Variants in LRRC4C observed in about 807,000 individuals in gnomAD.
LRRC4C encodes the protein leucine-rich repeat-containing protein 4C.
In LRRC4C, 5 loss-of-function variants were observed where a neutral mutation model predicts 33.6. The ratio of observed to expected loss-of-function variants is 0.15; its 90% CI spans 0.08 to 0.31. The LOEUF is 0.31. LRRC4C is among the 10% of genes least tolerant of loss of function. LRRC4C has a pLI of 1.00. For missense variants in LRRC4C, 560 were observed against 796.7 expected, an observed-to-expected ratio of 0.70 and a Z score of 3.58; for synonymous variants, 329 against 302.0, an observed-to-expected ratio of 1.09 and a Z score of -0.93.
intron 1 of LRRC4C, among the ~76,000 whole-genome samples, chr11:41,402,101 A>G (rs553384113): frequency 1.3e-5 from 2 of 152,038 alleles, no homozygotes; most frequent in Non-Finnish European, 2.9e-5. Context: ...AAAAAATACT[A>G]CAATACAGTC....
At chr11:40,537,265 C>A (rs1040001817) in intron 3 of LRRC4C, among the ~76,000 whole-genome samples, 2 of 152,184 alleles carry the variant, frequency 1.3e-5, no homozygotes, top group South Asian at 2.1e-4. Context: ...ACAGCACGCT[C>A]TATTCTCAGT....
chr11:40,384,742 C>CT (rs1292619795), intron 3 of LRRC4C, among the ~76,000 whole-genome samples: 1 of 152,052 alleles, frequency 6.6e-6, no homozygotes, highest in Non-Finnish European at 1.5e-5. Context: ...CCTTTCTTTT[C>CT]TTTTTTCATC....
At chr11:40,263,741 G>T (rs896990915) in intron 4 of LRRC4C, among the ~76,000 whole-genome samples, 9 of 152,196 alleles carry the variant, frequency 5.9e-5, no homozygotes, top group African/African-American at 1.9e-4. Context: ...CATTCATGCG[G>T]CTAAATTCTG....
chr11:40,565,699 AT>A (rs1326672390), intron 3 of LRRC4C, among the ~76,000 whole-genome samples: 2 of 151,642 alleles, frequency 1.3e-5, no homozygotes, highest in Non-Finnish European at 2.9e-5. Flanking sequence ...CCTTCTAATA[AT>A]TTTTTTCTGA....
intron 1 of LRRC4C, among the ~76,000 whole-genome samples, chr11:41,137,723 C>T (rs1164930524): frequency 6.6e-6 from 1 of 152,148 alleles, no homozygotes; most frequent in African/African-American, 2.4e-5. Context: ...AACAAGGTAT[C>T]CTTCAGCTAT....
chr11:40,588,851 A>G (rs927973082), intron 3 of LRRC4C, among the ~76,000 whole-genome samples: 14 of 152,032 alleles, frequency 9.2e-5, no homozygotes, highest in Non-Finnish European at 1.9e-4. Flanking sequence ...ATAGTTTGTT[A>G]TAGTTTCTGT....
chr11:40,934,787 T>C (rs1195125080), intron 1 of LRRC4C, among the ~76,000 whole-genome samples: 1 of 152,148 alleles, frequency 6.6e-6, no homozygotes, highest in Non-Finnish European at 1.5e-5. Flanking sequence ...ACACCTGGAA[T>C]TGACAGATTT....
At chr11:41,155,616 T>G (rs1374385397) in intron 1 of LRRC4C, among the ~76,000 whole-genome samples, 1 of 151,896 alleles carries the variant, frequency 6.6e-6, no homozygotes, top group East Asian at 1.9e-4. Context: ...TAGCCAGTTC[T>G]TGTCTGGCTA....
chr11:40,357,520 A>T (rs1025394175), intron 3 of LRRC4C, among the ~76,000 whole-genome samples: 19 of 152,174 alleles, frequency 1.2e-4, no homozygotes, highest in Non-Finnish European at 2.4e-4. Flanking sequence ...AGGAAACAGA[A>T]CACATTTAAT....
At chr11:40,871,528 G>A (rs924055959) in intron 2 of LRRC4C, among the ~76,000 whole-genome samples, 1 of 152,004 alleles carries the variant, frequency 6.6e-6, no homozygotes, top group South Asian at 2.1e-4. Context: ...CCCGATACAG[G>A]GCCCAGTCAC....
At chr11:40,788,803 T>C (rs1950514380) in intron 2 of LRRC4C, among the ~76,000 whole-genome samples, 1 of 151,968 alleles carries the variant, frequency 6.6e-6, no homozygotes, top group African/African-American at 2.4e-5. Context: ...CTGTAAAAAA[T>C]GCATATTAGG....
At chr11:40,867,620 C>T (rs1438173303) in intron 2 of LRRC4C, among the ~76,000 whole-genome samples, 2 of 147,868 alleles carry the variant, frequency 1.4e-5, no homozygotes, top group Non-Finnish European at 3.0e-5. Context: ...TTTTACCCCA[C>T]CAAAGTTGCT....
intron 3 of LRRC4C, among the ~76,000 whole-genome samples, chr11:40,542,267 G>A (rs1017704327): frequency 6.6e-6 from 1 of 151,916 alleles, no homozygotes; most frequent in African/African-American, 2.4e-5. Context: ...AAAATAAAGG[G>A]GTGTGATCAT....
intron 1 of LRRC4C, among the ~76,000 whole-genome samples, chr11:41,427,277 G>T (rs1042167687): frequency 9.9e-5 from 15 of 151,938 alleles, no homozygotes; most frequent in Non-Finnish European, 1.5e-4. Context: ...CTTGTTTGCT[G>T]GTTTATTTTT....
At chr11:40,401,674 AGT>A (rs1299704542) in intron 3 of LRRC4C, among the ~76,000 whole-genome samples, 1 of 152,116 alleles carries the variant, frequency 6.6e-6, no homozygotes, top group Non-Finnish European at 1.5e-5. Context: ...ATTCCACATG[AGT>A]GTGTGTTGCC....
At chr11:40,191,216 C>A (rs1335831575) in intron 5 of LRRC4C, among the ~76,000 whole-genome samples, 1 of 152,120 alleles carries the variant, frequency 6.6e-6, no homozygotes. Context: ...GCTTGACCAC[C>A]TCTCATAAAC....
At chr11:40,472,835 C>A (rs898669294) in intron 3 of LRRC4C, among the ~76,000 whole-genome samples, 5 of 152,102 alleles carry the variant, frequency 3.3e-5, no homozygotes, top group African/African-American at 1.2e-4. Flanking sequence ...CACCTCTACA[C>A]AAATAAACTA....
intron 3 of LRRC4C, among the ~76,000 whole-genome samples, chr11:40,347,761 A>G (rs1947201186): frequency 6.6e-6 from 1 of 152,100 alleles, no homozygotes; most frequent in East Asian, 1.9e-4. Flanking sequence ...GGCATGCACC[A>G]CCACACCTGG....
chr11:41,243,115 C>T (rs1256881361), intron 1 of LRRC4C, among the ~76,000 whole-genome samples: 2 of 152,172 alleles, frequency 1.3e-5, no homozygotes, highest in Non-Finnish European at 2.9e-5. Context: ...CTGTGCTTAG[C>T]TATGTTTCTT....
Sources: allele counts gnomAD v4.1 joint callset (sites outside exome capture counted in the v4.1 genomes callset), GRCh38; gene constraint gnomAD v4.1.1; transcripts MANE v1.5; gene names NCBI Gene and HGNC (gene_info 2026-07-23, HGNC 2026-07-21).